The following ZZEF1 variants were observed in gnomAD, a reference collection of about 807,000 sequenced individuals.
ZZEF1 encodes zinc finger ZZ-type and EF-hand domain containing 1, also known as zinc finger ZZ-type and EF-hand domain-containing protein 1.
ZZEF1 carries 157 observed loss-of-function variants against 342.8 expected under a neutral mutation model. That is an observed-to-expected ratio of 0.46 (90% CI 0.40 to 0.52). ZZEF1 has a LOEUF of 0.52. ZZEF1 is among the 20% of genes least tolerant of loss of function. The probability of loss-of-function intolerance (pLI) is 0.00; values close to 1 mark genes in which losing one functional copy is unlikely to be tolerated. For missense variants in ZZEF1, 3,480 were observed against 3,725.6 expected, an observed-to-expected ratio of 0.93 and a Z score of 1.72; for synonymous variants, 1,505 against 1,429.1, an observed-to-expected ratio of 1.05 and a Z score of -1.20.
chr17:4,139,959 G>GT (rs2058815683), intron 1 of ZZEF1, among the ~76,000 whole-genome samples: 1 of 152,252 alleles, frequency 6.6e-6, no homozygotes, highest in Admixed American at 6.5e-5. Flanking sequence ...AGCTATGCCC[G>GT]TAAGAGAGTG....
intron 3 of ZZEF1, among the ~76,000 whole-genome samples, chr17:4,115,100 C>T (rs1435884036): frequency 6.6e-6 from 1 of 152,138 alleles, no homozygotes; most frequent in Non-Finnish European, 1.5e-5. Flanking sequence ...CAGCTCACCG[C>T]AGCCTCGATC....
chr17:4,085,917 G>T, intron 15 of ZZEF1, 114 bp from the exon 16 acceptor site: 1 of 1,359,636 alleles, frequency 7.4e-7, no homozygotes, highest in Non-Finnish European at 1.0e-6. Context: ...ATACCAGAGT[G>T]AAGAAGTATT....
chr17:4,006,516 G>A lies in ZZEF1; in HGVS notation c.*374C>T, dbSNP rs116308079. 479 of 281,678 alleles carry A rather than the reference G, an allele frequency of 1.7e-3. 5 individuals are homozygous for A. The highest frequency in any genetic ancestry group is 0.01 in the African/African-American group (456 of 43,954). 17.4% of individuals were successfully genotyped at this position (281,678 alleles called of 1,614,324 possible). A position where few individuals can be genotyped will look rare whatever the true frequency, so the allele number is the denominator to read the frequency against. Reference sequence around the variant, plus strand: ...GGACTGTGCCTCCCTCTGAAGGCAAGTGCAGGCAGTTCCAGCTCCACGGAG... The same window carrying A: ...GGACTGTGCCTCCCTCTGAAGGCAAATGCAGGCAGTTCCAGCTCCACGGAG... On this transcript the variant is annotated 3_prime_UTR_variant, in exon 55 of 55. Coordinates refer to ENST00000381638, the MANE Select transcript of ZZEF1 (RefSeq NM_015113.4).
Position 4,072,745 on chromosome 17 carries a change from T to C in ZZEF1, c.3697A>G (p.Asn1233Asp), listed in dbSNP as rs777839883. ...ATTTTTGCCTGAGGTACTACCATGT[T>C]ACTTCCTAACTCTAGAAAGAGAAGA... ...ALKSVRQLGS[N>D]MVVPQAKMAL... The change falls in exon 25 of 55, where the codon AAC becomes GAC. Residue 1233 changes from asparagine (N) to aspartate (D), a missense_variant. By Grantham distance (23) the Asn-to-Asp change is conservative. Transcript: ENST00000381638. 6.2e-7 allele frequency: 1 copy of C among 1,612,464 alleles called. No homozygotes were observed. The highest frequency in any genetic ancestry group is 2.2e-5 in the East Asian group (1 of 44,856).
chr17:4,112,707 C>T lies in ZZEF1; in HGVS notation c.968G>A (p.Arg323Lys). 1 of 1,614,178 alleles carries T rather than the reference C, an allele frequency of 6.2e-7. No individual in the cohort carries two copies. Among genetic ancestry groups the T allele is most frequent in the South Asian group, 1.1e-5 (1 of 91,080 alleles). The change falls in exon 5 of 55, where the codon AGG becomes AAG. Residue 323 changes from arginine (R) to lysine (K), a missense_variant. Physicochemically the swap from Arg to Lys is conservative, Grantham distance 26. Around this residue, in one of 5 missense-constraint regions of ZZEF1, gnomAD observed 92 missense variants for 130.3 expected, o/e 0.71. Coordinates refer to ENST00000381638, the MANE Select transcript of ZZEF1 (RefSeq NM_015113.4). Reference protein sequence around the residue: ...MPQQVTVAVGRNASDLQEVRD... With the variant: ...MPQQVTVAVGKNASDLQEVRD... ...GACTTCCTGAAGATCGCTGGCATTC[C>T]TCCCTACAGCTACTGTCACCTGCTG...
rs2058403951 is a variant in ZZEF1, at chr17:4,116,952, G to C, written c.694+20C>G. The C allele has an allele frequency of 6.5e-7, 1 of 1,544,252 alleles. No homozygotes were observed. The highest frequency in any genetic ancestry group is 1.2e-5 in the South Asian group (1 of 82,802). On this transcript the variant is annotated intron_variant, in intron 3 of 54. Coordinates refer to ENST00000381638, the MANE Select transcript of ZZEF1 (RefSeq NM_015113.4). ...AGAAATGATCAGAGTATTTTCAGGA[G>C]AACCCCCACACACACATACCCTTTT...
At chr17:4,059,054 G>T (rs1254660128) in intron 31 of ZZEF1, 117 bp downstream of exon 31, 2 of 867,540 alleles carry the variant, frequency 2.3e-6, no homozygotes, top group African/African-American at 1.8e-5. Flanking sequence ...AACATTAGAG[G>T]TTATTTTTAT....
At chr17:4,091,470 TC>T (rs2057941296) in intron 11 of ZZEF1, among the ~76,000 whole-genome samples, 2 of 152,238 alleles carry the variant, frequency 1.3e-5, no homozygotes, top group Non-Finnish European at 2.9e-5. Context: ...TAAATGCTAC[TC>T]CCTTTTCAGG....
intron 37 of ZZEF1, 74 bp downstream of exon 37, chr17:4,049,634 C>T: frequency 6.4e-7 from 1 of 1,568,648 alleles, no homozygotes; most frequent in Non-Finnish European, 8.7e-7. Context: ...AACCTCTCTG[C>T]TATGCTGCAC....
At chr17:4,133,207 T>C (rs1019901618) in intron 1 of ZZEF1, among the ~76,000 whole-genome samples, 2 of 152,138 alleles carry the variant, frequency 1.3e-5, no homozygotes, top group Non-Finnish European at 2.9e-5. Context: ...GAATCAATAT[T>C]TGGGCACTCG....
intron 5 of ZZEF1, among the ~76,000 whole-genome samples, chr17:4,110,872 G>A (rs748478834): frequency 3.3e-5 from 5 of 151,940 alleles, no homozygotes; most frequent in South Asian, 4.2e-4. Context: ...GCGCCACCAC[G>A]CCCGGCTAAT....
chr17:4,139,377 C>A (rs1356977702), intron 1 of ZZEF1, among the ~76,000 whole-genome samples: 1 of 152,198 alleles, frequency 6.6e-6, no homozygotes, highest in Non-Finnish European at 1.5e-5. Flanking sequence ...CCATGCGCAC[C>A]CGTGGCTATC....
chr17:4,041,798 A>C (rs1043869384), intron 39 of ZZEF1, among the ~76,000 whole-genome samples: 1 of 152,194 alleles, frequency 6.6e-6, no homozygotes, highest in African/African-American at 2.4e-5. Flanking sequence ...ATGTTTTGAA[A>C]ATTTAAAAAA....
intron 35 of ZZEF1, among the ~76,000 whole-genome samples, chr17:4,051,452 G>A (rs765574519): frequency 7.9e-5 from 12 of 152,120 alleles, no homozygotes; most frequent in South Asian, 4.2e-4. Flanking sequence ...ATGGAGTCTC[G>A]TTCTGTCGCT....
rs543680458 is a variant in ZZEF1, at chr17:4,111,167, A to C, written c.1067-1304T>G. On this transcript the variant is annotated intron_variant, in intron 5 of 54. Coordinates refer to ENST00000381638, the MANE Select transcript of ZZEF1 (RefSeq NM_015113.4). ...GATACATACAGCTCTATTTTTTAGG[A>C]AAAAAGGTGTGTAGATATGTGTGCA... Among the ~76,000 whole-genome samples the C allele has an allele frequency of 9.4e-4, 143 of 152,294 alleles. 2 individuals carry two copies. The highest frequency in any genetic ancestry group is 3.2e-3 in the African/African-American group (133 of 41,548).
At chr17:4,072,813 C>A (rs915714564) in intron 24 of ZZEF1, 57 bp from the exon 25 acceptor site, 2 of 1,481,376 alleles carry the variant, frequency 1.4e-6, no homozygotes, top group Non-Finnish European at 1.8e-6. Context: ...TATTGAGAAT[C>A]TTTGAAATGA....
chr17:4,142,799 T>G lies in ZZEF1; in HGVS notation c.97A>C (p.Thr33Pro). The G allele has an allele frequency of 7.1e-7, 1 of 1,407,802 alleles. No homozygotes were observed. The highest frequency in any genetic ancestry group is 9.2e-7 in the Non-Finnish European group (1 of 1,092,888). The allele number at this position is 1,407,802 out of a possible 1,614,324, so 87.2% of individuals were successfully genotyped here. ...GCCGCGACGCCCGGGCCGGGGGTCG[T>G]GCCCGAGACCGCGGCCCAGTCCTGG... Reference protein sequence around the residue: ...PHQDWAAVSGTTPGPGVAAPA... With the variant: ...PHQDWAAVSGPTPGPGVAAPA... Residue 33 changes from threonine (T) to proline (P), a missense_variant, in exon 1 of 55, where the codon ACG (threonine) becomes CCG (proline). Thr to Pro is a conservative substitution (Grantham distance 38). Around this residue, in one of 5 missense-constraint regions of ZZEF1, gnomAD observed 416 missense variants for 374.2 expected, o/e 1.11. Coordinates refer to ENST00000381638, the MANE Select transcript of ZZEF1 (RefSeq NM_015113.4).
At chr17:4,132,825 G>A (rs1462442442) in intron 1 of ZZEF1, among the ~76,000 whole-genome samples, 2 of 151,142 alleles carry the variant, frequency 1.3e-5, no homozygotes, top group Non-Finnish European at 3.0e-5. Context: ...AATTAGCCGG[G>A]TGTGGTGGCG....
intron 53 of ZZEF1, 37 bp downstream of exon 53, chr17:4,009,567 G>A (rs919382245): frequency 4.3e-6 from 7 of 1,610,656 alleles, no homozygotes; most frequent in South Asian, 1.1e-5. Flanking sequence ...AACGCACATG[G>A]AGGCACCGGG....
Sources: gnomAD v4.1 joint callset for allele counts (sites outside exome capture counted in the v4.1 genomes callset) on GRCh38, gnomAD v4.1.1 for gene constraint, gnomAD v4.1.1 regional missense constraint, MANE v1.5 for transcripts, NCBI Gene and HGNC (gene_info 2026-07-23, HGNC 2026-07-21) for gene names.